Variants in PRORP observed in about 807,000 individuals in gnomAD.
PRORP encodes protein only RNase P catalytic subunit.
Under a neutral mutation model 59.4 loss-of-function variants are expected in PRORP, and 51 were observed. The observed-to-expected ratio is 0.86, with a 90% CI of 0.69 to 1.08. The LOEUF (loss-of-function observed/expected upper bound fraction) is 1.08. Ranked by LOEUF, PRORP falls within the 50% of genes least tolerant of loss-of-function variation. PRORP has a pLI of 0.00. For missense variants in PRORP, 646 were observed against 690.3 expected, an observed-to-expected ratio of 0.94 and a Z score of 0.72; for synonymous variants, 231 against 245.6, an observed-to-expected ratio of 0.94 and a Z score of 0.55.
At chr14:35,168,350 A>G (rs1167546215) in intron 4 of PRORP, among the ~76,000 whole-genome samples, 4 of 152,240 alleles carry the variant, frequency 2.6e-5, no homozygotes, top group South Asian at 4.1e-4. Flanking sequence ...GCGTTTTCCT[A>G]AAGACTAATG....
At chr14:35,220,588 C>A (rs1198790455) in intron 5 of PRORP, among the ~76,000 whole-genome samples, 1 of 151,940 alleles carries the variant, frequency 6.6e-6, no homozygotes, top group Non-Finnish European at 1.5e-5. Context: ...GTAATGAATC[C>A]CCTCCAGGAG....
At chr14:35,153,732 T>G (rs55977244) in intron 4 of PRORP, among the ~76,000 whole-genome samples, 61,599 of 152,030 alleles carry the variant, frequency 0.41, 12,698 homozygotes, top group African/African-American at 0.48. Context: ...ATAAAATTGG[T>G]TGTTTAAAGG....
At chr14:35,256,349 TA>T (rs1172335136) in intron 5 of PRORP, among the ~76,000 whole-genome samples, 26 of 133,148 alleles carry the variant, frequency 2.0e-4, no homozygotes, top group African/African-American at 6.5e-4. Flanking sequence ...TTTTTTTTTT[TA>T]AGACAGAGTC....
intron 5 of PRORP, among the ~76,000 whole-genome samples, chr14:35,187,896 G>A (rs927679098): frequency 6.6e-6 from 1 of 150,954 alleles, no homozygotes; most frequent in African/African-American, 2.4e-5. Context: ...CGCCCAGGCT[G>A]GAGTGGTGCA....
intron 4 of PRORP, among the ~76,000 whole-genome samples, chr14:35,162,058 C>T (rs1018534866): frequency 5.9e-5 from 9 of 152,016 alleles, no homozygotes; most frequent in Admixed American, 1.3e-4. Context: ...CTCTCCTCTT[C>T]CCCTTCTCTT....
rs2051304397 is a variant in PRORP, at chr14:35,277,047, G to C, written c.*3481G>C. On this transcript the variant is annotated 3_prime_UTR_variant, in exon 8 of 8. Transcript: ENST00000534898. ...TTTATTTATTTTTTTTTTTGAGACA[G>C]AGTCTTGATCTTTTTTCATCTAGGC... is the stretch of plus-strand genomic sequence containing the variant. 1 of 151,742 alleles carries C rather than the reference G, an allele frequency of 6.6e-6. No individual in the cohort carries two copies. The highest frequency in any genetic ancestry group is 1.5e-5 in the Non-Finnish European group (1 of 67,948). The allele number at this position is 151,742 out of a possible 1,614,324, so 9.4% of individuals were successfully genotyped here.
At chr14:35,201,706 G>A (rs1187913885) in intron 5 of PRORP, among the ~76,000 whole-genome samples, 4 of 151,748 alleles carry the variant, frequency 2.6e-5, no homozygotes, top group East Asian at 1.9e-4. Flanking sequence ...GCAGTGGTGC[G>A]ATCTTGCAGT....
intron 7 of PRORP, 77 bp from the exon 8 acceptor site, chr14:35,273,350 AAACTTGAG>A: frequency 7.4e-7 from 1 of 1,353,974 alleles, no homozygotes; most frequent in East Asian, 2.5e-5. Context: ...CTTCTGGAGC[AAACTTGAG>A]AAGTGTCAGA....
chr14:35,174,712 A>C (rs1218040651), intron 4 of PRORP, among the ~76,000 whole-genome samples: 3 of 150,644 alleles, frequency 2.0e-5, no homozygotes, highest in Non-Finnish European at 4.4e-5. Context: ...ACAGAACAGG[A>C]CTTAGAGATT....
intron 5 of PRORP, among the ~76,000 whole-genome samples, chr14:35,207,254 T>C (rs554197868): frequency 1.3e-5 from 2 of 152,382 alleles, no homozygotes; most frequent in East Asian, 3.9e-4. Flanking sequence ...GCTTTAACTC[T>C]TTACTCTCAA....
chr14:35,262,625 G>C (rs577770531), intron 5 of PRORP: 1 of 743,766 alleles, frequency 1.3e-6, no homozygotes, highest in African/African-American at 1.7e-5. Flanking sequence ...AGAGGCTCCA[G>C]GTTGATAAAT....
At chr14:35,201,336 G>A (rs914845195) in intron 5 of PRORP, among the ~76,000 whole-genome samples, 2 of 152,148 alleles carry the variant, frequency 1.3e-5, no homozygotes, top group African/African-American at 4.8e-5. Flanking sequence ...CTGGCGGGAG[G>A]AGTTATGTTT....
intron 5 of PRORP, chr14:35,235,762 C>A (rs570187881): frequency 3.7e-4 from 77 of 207,364 alleles, no homozygotes; most frequent in African/African-American, 9.8e-4. Context: ...ATTGGTATTA[C>A]CTCCTTAAGA....
rs2047013605 is a variant in PRORP at position 35,123,847 on chromosome 14, T to C, written c.602T>C (p.Met201Thr). The C allele has an allele frequency of 3.1e-6, 5 of 1,614,022 alleles. No homozygotes were observed. The highest frequency in any genetic ancestry group is 1.7e-5 in the Admixed American group (1 of 59,976). ...GAAGTTATTGATGTCTTTGAAATTA[T>C]GAAAGCCAGATATAAGACTTTAGAA... ...TSEVIDVFEI[M>T]KARYKTLEPR... is the part of the protein sequence containing the mutation. Residue 201 changes from methionine to threonine, a missense_variant, in exon 2 of 8, where the codon ATG (methionine) becomes ACG (threonine). By Grantham distance (81) the Met-to-Thr change is moderately conservative. Coordinates refer to ENST00000534898, the MANE Select transcript of PRORP (RefSeq NM_014672.4).
At chr14:35,248,991 TTA>T in intron 5 of PRORP, among the ~76,000 whole-genome samples, 1 of 152,218 alleles carries the variant, frequency 6.6e-6, no homozygotes, top group Non-Finnish European at 1.5e-5. Context: ...ATTACAGGCA[TTA>T]TGTTTGTGAT....
rs182841500 is a variant in PRORP at position 35,172,739 on chromosome 14, T to C, written c.1168-7931T>C. Among the ~76,000 whole-genome samples, 390 of 151,790 alleles carry C rather than the reference T, an allele frequency of 2.6e-3. 3 individuals are homozygous for C. The highest frequency in any genetic ancestry group is 8.8e-3 in the African/African-American group (365 of 41,380). On this transcript the variant is annotated intron_variant, in intron 4 of 7. Transcript: ENST00000534898. ...TAATTTTTATTTTTAAGCTAATTTT[T>C]TTATTTTTAGTAGAGACAAGCTGTC...
rs1159523333 is a variant in PRORP, at chr14:35,270,537, C to T, written c.1561C>T (p.Gln521Ter). The change falls in exon 7 of 8, where the codon CAG (glutamine) becomes TAG (stop). Residue 521 changes from glutamine to a stop codon, truncating the protein, a stop_gained. Coordinates refer to ENST00000534898, the MANE Select transcript of PRORP (RefSeq NM_014672.4). LOFTEE classifies it high-confidence loss of function. ...GACCCAACGCCTGTTTTTTAAGTGG[C>T]AGCAGGGACATCAGCTGGCAATTGT... ...AKTQRLFFKW[Q>*]QGHQLAIVNR... The T allele has an allele frequency of 6.2e-7, 1 of 1,614,132 alleles. No individual in the cohort carries two copies. The highest frequency in any genetic ancestry group is 8.5e-7 in the Non-Finnish European group (1 of 1,180,028).
chr14:35,236,754 T>G (rs2050224512), intron 5 of PRORP, among the ~76,000 whole-genome samples: 1 of 152,144 alleles, frequency 6.6e-6, no homozygotes, highest in African/African-American at 2.4e-5. Context: ...TGATGTTCTA[T>G]CTCTGCATCT....
chr14:35,201,278 C>T (rs2049141220), intron 5 of PRORP, among the ~76,000 whole-genome samples: 1 of 152,144 alleles, frequency 6.6e-6, no homozygotes, highest in African/African-American at 2.4e-5. Flanking sequence ...CCTTGCCATA[C>T]TGTACTCTTC....
Sources: gnomAD v4.1 joint callset for allele counts (sites outside exome capture counted in the v4.1 genomes callset) on GRCh38, gnomAD v4.1.1 for gene constraint, MANE v1.5 for transcripts, NCBI Gene and HGNC (gene_info 2026-07-23, HGNC 2026-07-21) for gene names.